Variants in ARFIP1 observed in about 807,000 individuals in gnomAD.
ARFIP1 encodes the protein ARF interacting protein 1, also known as arfaptin-1.
Under a neutral mutation model 42.5 loss-of-function variants are expected in ARFIP1, and 24 were observed. The observed-to-expected ratio is 0.57, with a 90% CI of 0.41 to 0.80. ARFIP1 has a LOEUF of 0.80. Among genes scored for constraint, ARFIP1 ranks in the 30% least tolerant of loss-of-function variants. ARFIP1 has a pLI of 0.00. For missense variants in ARFIP1, 354 were observed against 434.0 expected (o/e 0.82, Z 1.64); for synonymous variants, 141 against 153.7 (o/e 0.92, Z 0.61).
chr4:152,803,564 A>C (rs371358651), intron 1 of ARFIP1, among the ~76,000 whole-genome samples: 3 of 152,162 alleles, frequency 2.0e-5, no homozygotes, highest in Non-Finnish European at 2.9e-5. Context: ...TCCACCCCCA[A>C]CATCCCCAGT....
At chr4:152,856,015 A>G (rs1733400061) in intron 2 of ARFIP1, among the ~76,000 whole-genome samples, 1 of 152,108 alleles carries the variant, frequency 6.6e-6, no homozygotes, top group Non-Finnish European at 1.5e-5. Context: ...GGTTCTTCTT[A>G]ATGGAGGAAG....
intron 1 of ARFIP1, among the ~76,000 whole-genome samples, chr4:152,811,095 T>C (rs1031458185): frequency 3.3e-5 from 5 of 149,996 alleles, no homozygotes; most frequent in African/African-American, 1.2e-4. Flanking sequence ...TAAGCCTTTT[T>C]TTTTTTTTTT....
intron 8 of ARFIP1, among the ~76,000 whole-genome samples, chr4:152,909,081 A>C (rs941588653): frequency 6.6e-6 from 1 of 152,168 alleles, no homozygotes. Flanking sequence ...AACATTTTGC[A>C]GTTGTAAATA....
chr4:152,853,348 A>G (rs1733149711), intron 2 of ARFIP1, among the ~76,000 whole-genome samples: 1 of 152,178 alleles, frequency 6.6e-6, no homozygotes, highest in African/African-American at 2.4e-5. Context: ...CATTTATTGT[A>G]GTGCCTGTCT....
chr4:152,882,584 G>A lies in ARFIP1; in HGVS notation c.634-139G>A, dbSNP rs11731068. On this transcript the variant is annotated intron_variant, in intron 6 of 8. Coordinates refer to ENST00000353617, the MANE Select transcript of ARFIP1 (RefSeq NM_001025595.3). ...GCTAGCTGTGATTTCGATTCTTAAA[G>A]ACGGAAAGGAAAAGTAAAACTGCTA... is the stretch of plus-strand genomic sequence containing the variant. 8,154 of 911,546 alleles carry A rather than the reference G, an allele frequency of 8.9e-3. 68 individuals carry two copies. Among genetic ancestry groups the A allele is most frequent in the Non-Finnish European group, 0.011 (7,147 of 626,316 alleles). The allele number at this position is 911,546 out of a possible 1,614,324, so 56.5% of individuals were successfully genotyped here.
intron 8 of ARFIP1, among the ~76,000 whole-genome samples, chr4:152,896,237 G>A (rs578023838): frequency 1.1e-3 from 170 of 152,244 alleles, no homozygotes; most frequent in Non-Finnish European, 1.7e-3. Context: ...GGGAGAAATA[G>A]CACTGGATGA....
At chr4:152,800,241 T>C (rs1374266320) in intron 1 of ARFIP1, among the ~76,000 whole-genome samples, 2 of 152,210 alleles carry the variant, frequency 1.3e-5, no homozygotes, top group African/African-American at 2.4e-5. Context: ...TTAAAACTTA[T>C]GGGTCAGATT....
chr4:152,840,713 CT>C (rs764318893), intron 2 of ARFIP1, among the ~76,000 whole-genome samples: 1,340 of 107,770 alleles, frequency 0.012, 10 homozygotes, highest in African/African-American at 0.026. Flanking sequence ...GGCTCTGTAT[CT>C]TTTTTTTTTT....
At chr4:152,835,139 A>G (rs1289601931) in intron 2 of ARFIP1, among the ~76,000 whole-genome samples, 3 of 152,180 alleles carry the variant, frequency 2.0e-5, no homozygotes, top group Non-Finnish European at 4.4e-5. Context: ...TAGTCACGCT[A>G]ATCTCTCTAG....
intron 1 of ARFIP1, among the ~76,000 whole-genome samples, chr4:152,817,206 CTAAT>C (rs1316535402): frequency 6.6e-6 from 1 of 152,152 alleles, no homozygotes; most frequent in Non-Finnish European, 1.5e-5. Context: ...CTTAGTCTTC[CTAAT>C]TAGAGTCCAA....
chr4:152,858,145 A>T (rs1258118009), intron 2 of ARFIP1, among the ~76,000 whole-genome samples: 2 of 151,664 alleles, frequency 1.3e-5, no homozygotes, highest in African/African-American at 2.4e-5. Flanking sequence ...TACAAAAATT[A>T]GCTGGGCGTG....
chr4:152,843,017 G>T (rs1362484477), intron 2 of ARFIP1, among the ~76,000 whole-genome samples: 1 of 152,238 alleles, frequency 6.6e-6, no homozygotes, highest in Non-Finnish European at 1.5e-5. Context: ...ACCAGGGTTG[G>T]TTTCCTGGTT....
intron 1 of ARFIP1, among the ~76,000 whole-genome samples, chr4:152,782,078 TAGGC>T (rs1023137886): frequency 5.0e-4 from 76 of 152,024 alleles, no homozygotes; most frequent in African/African-American, 1.8e-3. Flanking sequence ...GTTTTCCACT[TAGGC>T]AGTATCTTGT....
At chr4:152,799,016 A>G (rs1410229227) in intron 1 of ARFIP1, among the ~76,000 whole-genome samples, 1 of 152,230 alleles carries the variant, frequency 6.6e-6, no homozygotes, top group Non-Finnish European at 1.5e-5. Context: ...ATAGGTCACA[A>G]AAACTAACAT....
intron 1 of ARFIP1, among the ~76,000 whole-genome samples, chr4:152,816,811 C>G (rs1475511633): frequency 1.3e-5 from 2 of 152,220 alleles, no homozygotes; most frequent in Non-Finnish European, 2.9e-5. Context: ...AGTTGCTTTA[C>G]TTGCAGTTTC....
intron 2 of ARFIP1, among the ~76,000 whole-genome samples, chr4:152,846,937 T>C (rs1732580014): frequency 6.6e-6 from 1 of 151,174 alleles, no homozygotes; most frequent in Non-Finnish European, 1.5e-5. Flanking sequence ...TTTTTTTTGT[T>C]CTTGTTTGTG....
intron 8 of ARFIP1, among the ~76,000 whole-genome samples, chr4:152,896,089 G>T (rs1449086594): frequency 1.3e-5 from 2 of 151,820 alleles, no homozygotes; most frequent in Non-Finnish European, 2.9e-5. Flanking sequence ...TATCATGGAA[G>T]GCTTCCCTGA....
At chr4:152,794,442 A>G (rs1216066816) in intron 1 of ARFIP1, among the ~76,000 whole-genome samples, 3 of 152,132 alleles carry the variant, frequency 2.0e-5, no homozygotes, top group Non-Finnish European at 2.9e-5. Context: ...CACAAAAATG[A>G]TGTTGTGTCT....
At chr4:152,816,774 G>T (rs1729922340) in intron 1 of ARFIP1, among the ~76,000 whole-genome samples, 1 of 152,248 alleles carries the variant, frequency 6.6e-6, no homozygotes, top group African/African-American at 2.4e-5. Flanking sequence ...TGATGAATGT[G>T]TGAGTGAGCA....
Sources: allele counts gnomAD v4.1 joint callset (sites outside exome capture counted in the v4.1 genomes callset), GRCh38; gene constraint gnomAD v4.1.1; transcripts MANE v1.5; gene names NCBI Gene and HGNC (gene_info 2026-07-23, HGNC 2026-07-21).